PBRM1: variants seen among roughly 807,000 people sequenced by gnomAD.
PBRM1 encodes polybromo 1.
Under a neutral mutation model 194.5 loss-of-function variants are expected in PBRM1, and 27 were observed. That is an observed-to-expected ratio of 0.14 (90% CI 0.10 to 0.19). The LOEUF is 0.19. Ranked by LOEUF, PBRM1 falls within the 10% of genes least tolerant of loss-of-function variation. The pLI, the probability that PBRM1 is intolerant of heterozygous loss-of-function variation, is 1.00. For synonymous variants in PBRM1, 655 were observed against 693.2 expected (o/e 0.94, Z 0.87); for missense variants, 1,466 against 2,077.2 (o/e 0.71, Z 5.72).
chr3:52,678,202 A>G (rs1243848677), intron 2 of PBRM1, among the ~76,000 whole-genome samples: 1 of 152,104 alleles, frequency 6.6e-6, no homozygotes, highest in Non-Finnish European at 1.5e-5. Flanking sequence ...CCTTGGATCA[A>G]GCAATTCTCT....
intron 17 of PBRM1, among the ~76,000 whole-genome samples, chr3:52,589,885 A>G (rs1458873131): frequency 2.0e-5 from 3 of 151,914 alleles, no homozygotes; most frequent in African/African-American, 7.3e-5. Context: ...CTGGAGTGCA[A>G]TGGCACAATC....
At chr3:52,636,709 A>T (rs1644892708) in intron 10 of PBRM1, among the ~76,000 whole-genome samples, 2 of 134,918 alleles carry the variant, frequency 1.5e-5, no homozygotes, top group Non-Finnish European at 3.1e-5. Flanking sequence ...GTAAGCAGGG[A>T]TTACACCACT....
chr3:52,556,394 A>G (rs1177389846), intron 26 of PBRM1, among the ~76,000 whole-genome samples: 1 of 152,230 alleles, frequency 6.6e-6, no homozygotes, highest in Non-Finnish European at 1.5e-5. Flanking sequence ...TCTTAATTAA[A>G]CATGAAGAGA....
chr3:52,611,400 G>A (rs1005530586), intron 15 of PBRM1, among the ~76,000 whole-genome samples: 1 of 152,114 alleles, frequency 6.6e-6, no homozygotes, highest in Non-Finnish European at 1.5e-5. Context: ...CTATGAAGTC[G>A]GTTTTTCTGC....
chr3:52,662,865 A>G (rs2096754196), intron 3 of PBRM1, among the ~76,000 whole-genome samples: 1 of 151,626 alleles, frequency 6.6e-6, no homozygotes, highest in African/African-American at 2.4e-5. Flanking sequence ...AAAAAAACTA[A>G]TTATTACTAA....
chr3:52,685,356 G>C (rs1017608729), intron 1 of PBRM1: 5 of 152,066 alleles, frequency 3.3e-5, no homozygotes, highest in Admixed American at 6.6e-5. Context: ...AAATCACTAA[G>C]AGTTTGTGTC....
exon 2 of PBRM1, chr3:52,678,575 T>C (rs2154058313): frequency 1.2e-6 from 2 of 1,607,680 alleles, no homozygotes; most frequent in Non-Finnish European, 1.7e-6. Flanking sequence ...GATGGTATTA[T>C]AGAGTTCATG....
chr3:52,624,988 G>A (rs2095401245), intron 13 of PBRM1, 47 bp from the exon 15 acceptor site: 4 of 1,328,456 alleles, frequency 3.0e-6, no homozygotes, highest in Non-Finnish European at 4.2e-6. Flanking sequence ...AACAAAACAA[G>A]CAACATTGGA....
chr3:52,590,807 T>C (rs574711319), intron 17 of PBRM1, among the ~76,000 whole-genome samples: 8 of 152,274 alleles, frequency 5.3e-5, no homozygotes, highest in African/African-American at 1.9e-4. Flanking sequence ...AAGAATGTCA[T>C]TGGTAATTTC....
At chr3:52,633,467 T>C (rs898694985) in intron 11 of PBRM1, among the ~76,000 whole-genome samples, 16 of 152,206 alleles carry the variant, frequency 1.1e-4, no homozygotes, top group Admixed American at 3.3e-4. Context: ...GCTGCTGCTG[T>C]GAACACAGGT....
intron 21 of PBRM1, among the ~76,000 whole-genome samples, chr3:52,578,462 C>G (rs1193335183): frequency 6.6e-6 from 1 of 152,200 alleles, no homozygotes; most frequent in East Asian, 1.9e-4. Context: ...ACTAACAGAG[C>G]TGGGACTCAG....
At chr3:52,583,118 A>C (rs1298193270) in intron 20 of PBRM1, among the ~76,000 whole-genome samples, 1 of 133,364 alleles carries the variant, frequency 7.5e-6, no homozygotes, top group Non-Finnish European at 1.6e-5. Flanking sequence ...AAAAAAAAAA[A>C]AACTAATAGG....
chr3:52,640,459 C>T (rs1415877504), intron 10 of PBRM1, among the ~76,000 whole-genome samples: 1 of 151,876 alleles, frequency 6.6e-6, no homozygotes, highest in East Asian at 1.9e-4. Flanking sequence ...TTTGTAGAGA[C>T]AGCGTTTTGC....
chr3:52,614,844 T>A (rs980001425), intron 15 of PBRM1, among the ~76,000 whole-genome samples: 3 of 152,154 alleles, frequency 2.0e-5, no homozygotes, highest in African/African-American at 7.2e-5. Flanking sequence ...GTGTTGGGAT[T>A]ACAGGCATGA....
chr3:52,673,823 G>T (rs7649820), intron 2 of PBRM1, among the ~76,000 whole-genome samples: 6,002 of 151,938 alleles, frequency 0.04, 398 homozygotes, highest in African/African-American at 0.14. Flanking sequence ...GGATGAGGTG[G>T]ACAGATCACT....
chr3:52,631,896 ATT>A lies in PBRM1; in HGVS notation c.1301+2704_1301+2705del, dbSNP rs1215537894. Among the ~76,000 whole-genome samples, 13 of 152,350 alleles carry A rather than the reference ATT, an allele frequency of 8.5e-5. No homozygotes were observed. The East Asian group carries it at 2.5e-3, about 29-fold the overall frequency. On this transcript the variant is annotated intron_variant, in intron 11 of 29. Coordinates refer to ENST00000296302, the Ensembl canonical transcript of PBRM1. The stretch of plus-strand genomic sequence containing the variant: ...GTAATATCAAAATTCACAGAGACTG[ATT>A]CAAAGATGGAAGGCAAACCAAGTGA...
chr3:52,623,946 T>C (rs1240676177), intron 13 of PBRM1, among the ~76,000 whole-genome samples: 1 of 152,210 alleles, frequency 6.6e-6, no homozygotes, highest in Non-Finnish European at 1.5e-5. Context: ...ACCATTTAAT[T>C]AAGAAAACTT....
At chr3:52,677,859 G>A (rs1000678675) in intron 2 of PBRM1, among the ~76,000 whole-genome samples, 7 of 152,008 alleles carry the variant, frequency 4.6e-5, no homozygotes, top group African/African-American at 1.7e-4. Context: ...CACTGTGCCT[G>A]GTCAGTACTC....
intron 10 of PBRM1, among the ~76,000 whole-genome samples, chr3:52,636,754 C>A (rs2095830750): frequency 5.2e-5 from 2 of 38,636 alleles, no homozygotes; most frequent in East Asian, 7.1e-4. Context: ...GAAACTCTGT[C>A]TCCAAAAAAA....
Sources: allele counts gnomAD v4.1 joint callset (sites outside exome capture counted in the v4.1 genomes callset), GRCh38; gene constraint gnomAD v4.1.1; transcripts MANE v1.5; gene names NCBI Gene and HGNC (gene_info 2026-07-23, HGNC 2026-07-21).